Variants in FOCAD observed in about 807,000 individuals in gnomAD.
The protein encoded by FOCAD is KIAA1797.
A neutral mutation model predicts 225.6 loss-of-function variants in FOCAD; 198 were observed. That is an observed-to-expected ratio of 0.88 (90% CI 0.78 to 0.99). The LOEUF is 0.99. Ranked by LOEUF, FOCAD falls within the 50% of genes least tolerant of loss-of-function variation. The pLI is 0.00. For synonymous variants in FOCAD, 897 were observed against 755.0 expected (o/e 1.19, Z -3.08); for missense variants, 2,713 against 2,123.6 (o/e 1.28, Z -5.46).
At chr9:20,903,980 A>G (rs1188536611) in intron 21 of FOCAD, among the ~76,000 whole-genome samples, 1 of 151,562 alleles carries the variant, frequency 6.6e-6, no homozygotes, top group African/African-American at 2.4e-5. Context: ...GGCTTTACCT[A>G]TTCTGGATAT....
chr9:20,887,774 C>T (rs973113693), intron 21 of FOCAD, among the ~76,000 whole-genome samples: 6 of 152,126 alleles, frequency 3.9e-5, no homozygotes, highest in Non-Finnish European at 7.4e-5. Flanking sequence ...AAACTGTTTT[C>T]CTAGTGGCTG....
At chr9:20,865,504 C>T (rs113788965) in intron 16 of FOCAD, among the ~76,000 whole-genome samples, 13 of 152,060 alleles carry the variant, frequency 8.5e-5, no homozygotes, top group African/African-American at 2.4e-4. Flanking sequence ...ATGAAAAAAA[C>T]GCAGTCACTG....
rs1214748604 is a variant in FOCAD at position 20,820,945 on chromosome 9, G to C, written c.1667G>C (p.Arg556Pro). 1 of 1,610,418 alleles carries C rather than the reference G, an allele frequency of 6.2e-7. No individual in the cohort carries two copies. The highest frequency in any genetic ancestry group is 8.5e-7 in the Non-Finnish European group (1 of 1,178,096). The change falls in exon 14 of 44, where the codon CGA becomes CCA. Residue 556 changes from arginine to proline, a missense_variant. By Grantham distance (103) the Arg-to-Pro change is moderately radical. Transcript: ENST00000338382. ...LLTSLWEKQD[R>P]VYPELQRFMA... ...TTTGTAAAATTGCCTTCGTAGGACC[G>C]AGTCTATCCTGAACTGCAGCGTTTC... is the stretch of plus-strand genomic sequence containing the variant.
chr9:20,694,547 G>C (rs541478743), intron 1 of FOCAD: 2 of 152,238 alleles, frequency 1.3e-5, no homozygotes, highest in African/African-American at 2.4e-5. Flanking sequence ...CATCCACACA[G>C]ATTAGCAGTT....
intron 28 of FOCAD, among the ~76,000 whole-genome samples, chr9:20,943,819 CT>C (rs1369728443): frequency 6.6e-6 from 1 of 152,140 alleles, no homozygotes; most frequent in Non-Finnish European, 1.5e-5. Context: ...ATGACAAAAG[CT>C]TTTTTTCTTT....
intron 24 of FOCAD, among the ~76,000 whole-genome samples, chr9:20,922,888 A>T (rs1290447371): frequency 1.3e-5 from 2 of 152,222 alleles, no homozygotes; most frequent in African/African-American, 4.8e-5. Flanking sequence ...TTATGGAATA[A>T]TATTAAATGT....
intron 15 of FOCAD, among the ~76,000 whole-genome samples, chr9:20,852,218 T>C (rs1208112307): frequency 6.6e-6 from 1 of 151,830 alleles, no homozygotes; most frequent in Non-Finnish European, 1.5e-5. Flanking sequence ...AAGTAATTCC[T>C]AAGAAGTTTT....
chr9:20,774,120 C>G (rs1818515898), intron 8 of FOCAD, among the ~76,000 whole-genome samples: 1 of 152,178 alleles, frequency 6.6e-6, no homozygotes, highest in South Asian at 2.1e-4. Context: ...TGAGGTGGTA[C>G]AGTTTCATCC....
chr9:20,729,439 C>T (rs1826485852), intron 4 of FOCAD, among the ~76,000 whole-genome samples: 1 of 152,172 alleles, frequency 6.6e-6, no homozygotes, highest in Non-Finnish European at 1.5e-5. Context: ...TTACGACCCA[C>T]CTAGGATGAT....
chr9:20,785,666 CG>C (rs1461420162), intron 10 of FOCAD, among the ~76,000 whole-genome samples: 3 of 152,046 alleles, frequency 2.0e-5, no homozygotes, highest in Non-Finnish European at 4.4e-5. Flanking sequence ...CTTTTGTTGA[CG>C]AACTTTTGGC....
At chr9:20,993,032 T>G (rs543074724) in intron 42 of FOCAD, among the ~76,000 whole-genome samples, 4 of 152,178 alleles carry the variant, frequency 2.6e-5, no homozygotes, top group Middle Eastern at 3.4e-3. Flanking sequence ...TGCCAGGTCA[T>G]TTAACTAAAT....
At chr9:20,990,513 G>A in intron 42 of FOCAD, 139 bp downstream of exon 42, 1 of 1,073,554 alleles carries the variant, frequency 9.3e-7, no homozygotes, top group Non-Finnish European at 1.3e-6. Flanking sequence ...ATCTCAGCCA[G>A]ATGCAGAGTC....
chr9:20,916,265 A>G (rs1833855772), intron 23 of FOCAD, among the ~76,000 whole-genome samples: 1 of 152,188 alleles, frequency 6.6e-6, no homozygotes, highest in African/African-American at 2.4e-5. Context: ...AAAATTCTAT[A>G]TTGAATTAAA....
intron 21 of FOCAD, among the ~76,000 whole-genome samples, chr9:20,886,379 G>GT (rs1235078159): frequency 6.6e-6 from 1 of 152,116 alleles, no homozygotes; most frequent in Non-Finnish European, 1.5e-5. Flanking sequence ...AGGGAGAAAC[G>GT]TGGTACCTTT....
chr9:20,861,805 CCTAT>C (rs1369297156), intron 15 of FOCAD, among the ~76,000 whole-genome samples: 1 of 152,050 alleles, frequency 6.6e-6, no homozygotes, highest in African/African-American at 2.4e-5. Flanking sequence ...TTGCATTCTT[CCTAT>C]CTGAGTCTTA....
intron 11 of FOCAD, among the ~76,000 whole-genome samples, chr9:20,801,341 G>C (rs773620831): frequency 6.6e-6 from 1 of 152,122 alleles, no homozygotes; most frequent in Non-Finnish European, 1.5e-5. Context: ...TCTGATATCA[G>C]TTTTGGCCAT....
intron 15 of FOCAD, among the ~76,000 whole-genome samples, chr9:20,830,720 C>T (rs1403443582): frequency 6.6e-6 from 1 of 152,008 alleles, no homozygotes; most frequent in Non-Finnish European, 1.5e-5. Flanking sequence ...CTCTGACGGC[C>T]ATGCTGGAGT....
rs1824239425 is a variant in FOCAD, at chr9:20,820,807, G to A, written c.1663-134G>A. On this transcript the variant is annotated intron_variant, in intron 13 of 43. Transcript: ENST00000338382. ...AGTAATCACTATAGCAATCTTCTCT[G>A]CTGATTAGAAGAACGACAGTATAAT... The A allele has an allele frequency of 4.2e-6, 4 of 950,572 alleles. No individual in the cohort carries two copies. The African/African-American group carries it at 6.6e-5, about 16-fold the overall frequency. 58.9% of individuals were successfully genotyped at this position (950,572 alleles called of 1,614,324 possible). A position where few individuals can be genotyped will look rare whatever the true frequency, so the allele number is the denominator to read the frequency against.
chr9:20,767,578 A>G (rs1830161210), intron 7 of FOCAD, among the ~76,000 whole-genome samples: 1 of 151,522 alleles, frequency 6.6e-6, no homozygotes, highest in Admixed American at 6.6e-5. Context: ...ATGGCCAGTG[A>G]TAATGAGGAT....
Sources: gnomAD v4.1 joint callset for allele counts (sites outside exome capture counted in the v4.1 genomes callset) on GRCh38, gnomAD v4.1.1 for gene constraint, MANE v1.5 for transcripts, NCBI Gene and HGNC (gene_info 2026-07-23, HGNC 2026-07-21) for gene names.